The following PIKFYVE variants were observed in gnomAD, a reference collection of about 807,000 sequenced individuals.
The protein encoded by PIKFYVE is phosphoinositide kinase, FYVE-type zinc finger containing, also known as 1-phosphatidylinositol 3-phosphate 5-kinase.
PIKFYVE carries 122 observed loss-of-function variants against 257.9 expected under a neutral mutation model. That is an observed-to-expected ratio of 0.47 (90% confidence interval 0.41 to 0.55). The LOEUF is 0.55. PIKFYVE is among the 20% of genes least tolerant of loss of function. PIKFYVE has a pLI of 0.00. For synonymous variants in PIKFYVE, 892 were observed against 868.9 expected, an observed-to-expected ratio of 1.03 and a Z score of -0.47; for missense variants, 2,160 against 2,536.6, an observed-to-expected ratio of 0.85 and a Z score of 3.19.
At chr2:208,328,113 T>C (rs1697139519) in intron 20 of PIKFYVE, 67 bp from the exon 21 acceptor site, 1 of 1,610,008 alleles carries the variant, frequency 6.2e-7, no homozygotes. Flanking sequence ...GAGTGGAGTG[T>C]GTTTGGTGCA....
intron 21 of PIKFYVE, 136 bp from the exon 22 acceptor site, chr2:208,329,703 TAAC>T (rs1697297414): frequency 1.1e-5 from 15 of 1,415,268 alleles, no homozygotes; most frequent in Admixed American, 2.4e-5. Context: ...ACCTGTTTCA[TAAC>T]AACAAAGAAC....
chr2:208,271,408 CT>C, intron 1 of PIKFYVE, 102 bp from the exon 2 acceptor site: 4 of 1,135,796 alleles, frequency 3.5e-6, no homozygotes, highest in Non-Finnish European at 5.3e-6. Context: ...CATAGTCTGA[CT>C]TTTCACAGAA....
At chr2:208,298,921 C>T in intron 8 of PIKFYVE, 142 bp downstream of exon 8, 1 of 1,039,070 alleles carries the variant, frequency 9.6e-7, no homozygotes, top group South Asian at 1.4e-5. Context: ...TGGCTCCCTG[C>T]AACCTCTGCC....
Position 208,325,547 on chromosome 2 carries a change from C to A in PIKFYVE, c.2736C>A (p.Pro912=). The A allele has an allele frequency of 6.2e-7, 1 of 1,614,098 alleles. No individual in the cohort carries two copies. The highest frequency in any genetic ancestry group is 8.5e-7 in the Non-Finnish European group (1 of 1,179,984). The part of the protein sequence containing the change: ...VQEQYGGGSI[P]WDPDIPPESL... ...AGCAGTACGGTGGAGGTTCCATCCCCTGGGATCCTGACATCCCTCCTGAGT... is the reference window on the plus strand; with the variant it reads ...AGCAGTACGGTGGAGGTTCCATCCCATGGGATCCTGACATCCCTCCTGAGT... Residue 912 remains proline, a synonymous_variant, in exon 20 of 42, where the codon CCC becomes CCA. Transcript: ENST00000264380.
At chr2:208,283,785 T>C (rs1406328945) in intron 5 of PIKFYVE, among the ~76,000 whole-genome samples, 1 of 152,190 alleles carries the variant, frequency 6.6e-6, no homozygotes, top group Admixed American at 6.5e-5. Context: ...GGTCTCACCA[T>C]GTAGCCTAGG....
At chr2:208,336,816 TA>T in intron 27 of PIKFYVE, 21 bp from the exon 28 acceptor site, 2 of 1,514,280 alleles carry the variant, frequency 1.3e-6, no homozygotes, top group Non-Finnish European at 1.8e-6. Flanking sequence ...TATATATATA[TA>T]TTTTTTGCTT....
At chr2:208,314,216 G>A in intron 13 of PIKFYVE, 78 bp from the exon 14 acceptor site, 1 of 1,494,826 alleles carries the variant, frequency 6.7e-7, no homozygotes, top group Non-Finnish European at 9.2e-7. Flanking sequence ...AAAGACAAAG[G>A]GCAATTTCTA....
intron 1 of PIKFYVE, among the ~76,000 whole-genome samples, chr2:208,270,894 G>T (rs1264397578): frequency 6.6e-6 from 1 of 151,926 alleles, no homozygotes; most frequent in Non-Finnish European, 1.5e-5. Flanking sequence ...AATTAACTGG[G>T]CGTGGTGACT....
At chr2:208,300,129 CAAAT>C (rs1243420518) in intron 8 of PIKFYVE, among the ~76,000 whole-genome samples, 1 of 151,948 alleles carries the variant, frequency 6.6e-6, no homozygotes, top group Non-Finnish European at 1.5e-5. Flanking sequence ...AAAAAAGTGT[CAAAT>C]AAATAAATGA....
intron 12 of PIKFYVE, among the ~76,000 whole-genome samples, chr2:208,307,848 AAG>A (rs1401828732): frequency 1.4e-5 from 2 of 137,934 alleles, no homozygotes; most frequent in Non-Finnish European, 3.0e-5. Flanking sequence ...TTTGTAGACA[AAG>A]AGGACAATTT....
At chr2:208,271,778 A>G in intron 2 of PIKFYVE, 87 bp downstream of exon 2, 1 of 1,284,820 alleles carries the variant, frequency 7.8e-7, no homozygotes, top group Non-Finnish European at 1.1e-6. Flanking sequence ...ATGATCATAT[A>G]GTGGTTAGTA....
chr2:208,334,154 A>G (rs1244073136), intron 24 of PIKFYVE, among the ~76,000 whole-genome samples: 2 of 152,230 alleles, frequency 1.3e-5, no homozygotes, highest in East Asian at 3.8e-4. Flanking sequence ...GAGTCTGAGC[A>G]CTTTTTACCA....
chr2:208,293,774 C>T (rs1692618537), intron 7 of PIKFYVE, among the ~76,000 whole-genome samples: 1 of 151,956 alleles, frequency 6.6e-6, no homozygotes, highest in Non-Finnish European at 1.5e-5. Flanking sequence ...CTTTGGCTTC[C>T]CAAAGTGCAG....
At position 208,355,174 on chromosome 2, in the gene PIKFYVE, T is replaced by G. The variant is rs753153484; in HGVS notation, c.6182-16T>G. On this transcript the variant is annotated splice_polypyrimidine_tract_variant and intron_variant, in intron 41 of 41. Coordinates refer to ENST00000264380, the MANE Select transcript of PIKFYVE (RefSeq NM_015040.4). ...ATATAACAGCTTTTTCCCCCTTTTC[T>G]CTTTCATAATCTCAGGTAAAATGCC... is the stretch of plus-strand genomic sequence containing the variant. 6 of 1,594,796 alleles carry G rather than the reference T, an allele frequency of 3.8e-6. No homozygotes were observed. The highest frequency in any genetic ancestry group is 5.2e-6 in the Non-Finnish European group (6 of 1,162,514).
chr2:208,330,492 A>C, intron 22 of PIKFYVE, 31 bp from the exon 23 acceptor site: 2 of 1,613,306 alleles, frequency 1.2e-6, no homozygotes, highest in East Asian at 4.5e-5. Flanking sequence ...TTTCATGCTT[A>C]ATGTGAGAAG....
At chr2:208,349,570 AATT>A (rs1020784761) in intron 35 of PIKFYVE, among the ~76,000 whole-genome samples, 34 of 150,722 alleles carry the variant, frequency 2.3e-4, no homozygotes, top group Non-Finnish European at 4.1e-4. Context: ...ACTAGTATAT[AATT>A]TTATGTTTTA....
At chr2:208,299,199 G>T (rs879577094) in intron 8 of PIKFYVE, among the ~76,000 whole-genome samples, 2 of 152,104 alleles carry the variant, frequency 1.3e-5, no homozygotes, top group Admixed American at 1.3e-4. Flanking sequence ...TTAAACAGAA[G>T]TGCTTAGCTT....
intron 12 of PIKFYVE, among the ~76,000 whole-genome samples, chr2:208,311,549 A>C (rs1015842110): frequency 1.3e-5 from 2 of 152,192 alleles, no homozygotes; most frequent in African/African-American, 4.8e-5. Context: ...AGACCTAGAG[A>C]AAGTTCACGG....
At chr2:208,335,188 T>C (rs1339988190) in intron 24 of PIKFYVE, 118 bp from the exon 25 acceptor site, 9 of 739,402 alleles carry the variant, frequency 1.2e-5, no homozygotes, top group Non-Finnish European at 1.9e-5. Flanking sequence ...TAAAATACGA[T>C]TTTATAGAAA....
Sources: gnomAD v4.1 joint callset for allele counts (sites outside exome capture counted in the v4.1 genomes callset) on GRCh38, gnomAD v4.1.1 for gene constraint, MANE v1.5 for transcripts, NCBI Gene and HGNC (gene_info 2026-07-23, HGNC 2026-07-21) for gene names.